RBFOX3: variants seen among roughly 807,000 people sequenced by gnomAD.
RBFOX3 encodes the protein RNA binding protein fox-1 homolog 3.
In RBFOX3, 17 loss-of-function variants were observed where a neutral mutation model predicts 48.7. The observed-to-expected ratio is 0.35, with a 90% CI of 0.24 to 0.52. The LOEUF (loss-of-function observed/expected upper bound fraction) is 0.52, where lower values mean the gene tolerates loss of function less well. RBFOX3 is among the 20% of genes least tolerant of loss of function. The probability of loss-of-function intolerance (pLI) is 0.94; values close to 1 mark genes in which losing one functional copy is unlikely to be tolerated. For missense variants in RBFOX3, 382 were observed against 497.5 expected, an observed-to-expected ratio of 0.77 and a Z score of 2.21; for synonymous variants, 212 against 209.5, an observed-to-expected ratio of 1.01 and a Z score of -0.10.
chr17:79,226,307 T>C (rs7222701), intron 4 of RBFOX3, among the ~76,000 whole-genome samples: 146,325 of 152,260 alleles, frequency 0.96, 70,593 homozygotes, highest in East Asian at 1. Context: ...AGAGGAGGAG[T>C]GCAGCCCAAC....
intron 9 of RBFOX3, among the ~76,000 whole-genome samples, 161 bp downstream of exon 9, chr17:79,101,423 C>G (rs536290756): frequency 3.3e-5 from 5 of 152,290 alleles, no homozygotes; most frequent in Non-Finnish European, 5.9e-5. Flanking sequence ...CTGCCCCACC[C>G]GCTTCTGACC....
chr17:79,415,334 G>A (rs1214315796), intron 2 of RBFOX3, among the ~76,000 whole-genome samples: 1 of 152,226 alleles, frequency 6.6e-6, no homozygotes, highest in Non-Finnish European at 1.5e-5. Context: ...CATGAAGTGT[G>A]GGGCTAAATA....
intron 6 of RBFOX3, 113 bp from the exon 7 acceptor site, chr17:79,104,239 G>C: frequency 1.0e-6 from 1 of 983,764 alleles, no homozygotes; most frequent in Non-Finnish European, 1.6e-6. Context: ...CTCTGCCCTC[G>C]GCCCCCAGCT....
At chr17:79,540,142 T>A (rs1055867263) in intron 1 of RBFOX3, among the ~76,000 whole-genome samples, 1 of 152,200 alleles carries the variant, frequency 6.6e-6, no homozygotes, top group East Asian at 1.9e-4. Flanking sequence ...ATCACACGCA[T>A]GCACACACAC....
At chr17:79,161,641 G>C (rs966933539) in intron 4 of RBFOX3, among the ~76,000 whole-genome samples, 3 of 152,164 alleles carry the variant, frequency 2.0e-5, no homozygotes, top group African/African-American at 4.8e-5. Context: ...TGTCACCCAG[G>C]CTGGAGTGCA....
chr17:79,568,960 G>C (rs2092567498), intron 1 of RBFOX3, among the ~76,000 whole-genome samples: 1 of 151,924 alleles, frequency 6.6e-6, no homozygotes, highest in Non-Finnish European at 1.5e-5. Flanking sequence ...CTCCCCACTA[G>C]ATGCTTAGGT....
rs2063613396 is a variant in RBFOX3 at position 79,249,401 on chromosome 17, CT to C, written c.-73-13597del. ...GTCTTTTATTCCCTGTATTCTGATG[CT>C]TTGACATCTGAAGCCTTGCTGGCCC... On this transcript the variant is annotated intron_variant, in intron 3 of 14. Coordinates refer to ENST00000693108, the MANE Select transcript of RBFOX3 (RefSeq NM_001350451.2). The surrounding 1 kb of genome is among the most constrained non-coding windows in gnomAD (Gnocchi z 4.1). Among the ~76,000 whole-genome samples, 1 of 152,156 alleles carries C rather than the reference CT, an allele frequency of 6.6e-6. No individual in the cohort carries two copies. Among genetic ancestry groups the C allele is most frequent in the Non-Finnish European group, 1.5e-5 (1 of 68,030 alleles).
chr17:79,649,895 G>T, the RBFOX3 span, among the ~76,000 whole-genome samples: 1 of 151,980 alleles, frequency 6.6e-6, no homozygotes, highest in East Asian at 1.9e-4. Flanking sequence ...GAACAAGCAG[G>T]GAGGGAGGCG....
chr17:79,170,131 GAGGAAGGAGGGA>G (rs1161374083), intron 4 of RBFOX3, among the ~76,000 whole-genome samples: 19 of 146,566 alleles, frequency 1.3e-4, no homozygotes, highest in African/African-American at 4.7e-4. Context: ...AGGAAGGAAG[GAGGAAGGAGGGA>G]AGGAAGGAAG....
At position 79,363,737 on chromosome 17, in the gene RBFOX3, C is replaced by T. The variant is rs889937241; in HGVS notation, c.-174-55913G>A. Reference sequence around the variant, plus strand: ...CAGAGCCCCCAACACCTCCAGAGCCCTCCAGCCTCCATGCTCAGCCCGTCC... The same window carrying T: ...CAGAGCCCCCAACACCTCCAGAGCCTTCCAGCCTCCATGCTCAGCCCGTCC... On this transcript the variant is annotated intron_variant, in intron 2 of 14. Coordinates refer to ENST00000693108, the MANE Select transcript of RBFOX3 (RefSeq NM_001350451.2). This position sits in a 1 kb window ranked among gnomAD's most constrained non-coding sequence, Gnocchi z 4.7. Among the ~76,000 whole-genome samples the T allele has an allele frequency of 6.6e-6, 1 of 152,110 alleles. No individual in the cohort carries two copies. The highest frequency in any genetic ancestry group is 1.5e-5 in the Non-Finnish European group (1 of 68,010).
chr17:79,198,745 C>A lies in RBFOX3; in HGVS notation c.-34+37021G>T, dbSNP rs982812984. Among the ~76,000 whole-genome samples the A allele has an allele frequency of 4.6e-5, 7 of 152,124 alleles. No homozygotes were observed. The highest frequency in any genetic ancestry group is 1.0e-4 in the Non-Finnish European group (7 of 68,012). The stretch of plus-strand genomic sequence containing the variant: ...GGTTCAAGCGATTCTCCTGCCTCAG[C>A]CTCCCAAGTAGCTGGGATTATAGGC... On this transcript the variant is annotated intron_variant, in intron 4 of 14. Transcript: ENST00000693108. This position sits in a 1 kb window ranked among gnomAD's most constrained non-coding sequence, Gnocchi z 8.2.
At chr17:79,638,303 G>C in the RBFOX3 span, among the ~76,000 whole-genome samples, 1 of 85,020 alleles carries the variant, frequency 1.2e-5, no homozygotes, top group South Asian at 3.7e-4. Context: ...AAACTGAGTT[G>C]GTTTTTTTTT....
chr17:79,392,284 C>T lies in RBFOX3; in HGVS notation c.-174-84460G>A, dbSNP rs911706989. Reference sequence around the variant, plus strand: ...CAGCAGAGAGAGGCAGCTCAGCACACGGACCTTGCAGCCAGTTGGCCCTGA... The same window carrying T: ...CAGCAGAGAGAGGCAGCTCAGCACATGGACCTTGCAGCCAGTTGGCCCTGA... On this transcript the variant is annotated intron_variant, in intron 2 of 14. Coordinates refer to ENST00000693108, the MANE Select transcript of RBFOX3 (RefSeq NM_001350451.2). The surrounding 1 kb of genome is among the most constrained non-coding windows in gnomAD (Gnocchi z 5.0). Among the ~76,000 whole-genome samples, 6 of 152,232 alleles carry T rather than the reference C, an allele frequency of 3.9e-5. No individual in the cohort carries two copies. Among genetic ancestry groups the T allele is most frequent in the South Asian group, 2.1e-4 (1 of 4,824 alleles).
At chr17:79,128,862 A>C (rs2038036535) in intron 4 of RBFOX3, among the ~76,000 whole-genome samples, 1 of 152,218 alleles carries the variant, frequency 6.6e-6, no homozygotes, top group Admixed American at 6.5e-5. Context: ...GGTACTTTAA[A>C]GCCAGAGACC....
intron 3 of RBFOX3, among the ~76,000 whole-genome samples, chr17:79,275,157 C>CT (rs2068545229): frequency 8.8e-6 from 1 of 113,714 alleles, no homozygotes; most frequent in African/African-American, 3.0e-5. Flanking sequence ...TCTCTGTCTC[C>CT]CTCCCTATCT....
chr17:79,403,296 C>T (rs907779692), intron 2 of RBFOX3, among the ~76,000 whole-genome samples: 1 of 152,156 alleles, frequency 6.6e-6, no homozygotes, highest in African/African-American at 2.4e-5. Flanking sequence ...GCTGGCAAGG[C>T]CCACACCCCT....
chr17:79,539,408 G>C (rs1395999597), intron 1 of RBFOX3, among the ~76,000 whole-genome samples: 1 of 152,214 alleles, frequency 6.6e-6, no homozygotes, highest in Non-Finnish European at 1.5e-5. Flanking sequence ...TAATCACATA[G>C]TGTGGAGGCA....
rs1028961353 is a variant in RBFOX3, at chr17:79,199,953, G to C, written c.-34+35813C>G. 1.3e-5 allele frequency among the ~76,000 whole-genome samples: 2 copies of C among 152,086 alleles called. No individual in the cohort carries two copies. The highest frequency in any genetic ancestry group is 4.8e-5 in the African/African-American group (2 of 41,416). On this transcript the variant is annotated intron_variant, in intron 4 of 14. Coordinates refer to ENST00000693108, the MANE Select transcript of RBFOX3 (RefSeq NM_001350451.2). This position sits in a 1 kb window ranked among gnomAD's most constrained non-coding sequence, Gnocchi z 5.1. ...AGGTGGGTGGATCACCTGAAGTCAG[G>C]AGTTCAAGACCAGCCTGGCCAACAT...
intron 4 of RBFOX3, among the ~76,000 whole-genome samples, chr17:79,138,917 C>A (rs2041213341): frequency 1.1e-5 from 1 of 90,284 alleles, no homozygotes; most frequent in Admixed American, 1.1e-4. Flanking sequence ...CTCACCCGCA[C>A]ACGCACACAG....
Sources: allele counts gnomAD v4.1 joint callset (sites outside exome capture counted in the v4.1 genomes callset), GRCh38; gene constraint gnomAD v4.1.1; non-coding constraint Gnocchi (gnomAD v3.1); transcripts MANE v1.5; gene names NCBI Gene and HGNC (gene_info 2026-07-23, HGNC 2026-07-21).